The following RFX7 variants were observed in gnomAD, a reference collection of about 807,000 sequenced individuals.
RFX7 encodes the protein regulatory factor X7.
In RFX7, 26 loss-of-function variants were observed where a neutral mutation model predicts 111.8. That is an observed-to-expected ratio of 0.23 (90% confidence interval 0.17 to 0.32). The LOEUF (loss-of-function observed/expected upper bound fraction) is 0.32, where lower values mean the gene tolerates loss of function less well. Ranked by LOEUF, RFX7 falls within the 10% of genes least tolerant of loss-of-function variation. RFX7 has a pLI of 1.00. For missense variants in RFX7, 1,573 were observed against 1,772.9 expected (o/e 0.89, Z 2.02); for synonymous variants, 624 against 624.4 (o/e 1.00, Z 0.01).
At chr15:56,146,989 C>A (rs1403668397) in intron 3 of RFX7, among the ~76,000 whole-genome samples, 1 of 152,188 alleles carries the variant, frequency 6.6e-6, no homozygotes, top group Non-Finnish European at 1.5e-5. Flanking sequence ...ACAATGCTCA[C>A]TGGTTTAGGA....
intron 2 of RFX7, among the ~76,000 whole-genome samples, chr15:56,227,134 G>A (rs2043494053): frequency 6.6e-6 from 1 of 152,150 alleles, no homozygotes; most frequent in African/African-American, 2.4e-5. Flanking sequence ...CTTCACCTCT[G>A]TAATTTAAGC....
intron 5 of RFX7, among the ~76,000 whole-genome samples, chr15:56,111,661 C>CAAAAAAAAAAAAAAAAAAACAAA (rs2041934695): frequency 9.4e-5 from 9 of 95,572 alleles, no homozygotes; most frequent in East Asian, 3.3e-4. Flanking sequence ...ATAAATAAAC[C>CAAAAAAAAAAAAAAAAAAACAAA]AAAAAAAAAA....
Position 56,096,021 on chromosome 15 carries a change from CA to C in RFX7, c.1706del (p.Leu569TrpfsTer22). The C allele has an allele frequency of 6.2e-7, 1 of 1,612,894 alleles. No individual in the cohort carries two copies. The highest frequency in any genetic ancestry group is 1.1e-5 in the South Asian group (1 of 90,904). On this transcript the variant is annotated frameshift_variant, in exon 10 of 10. Coordinates refer to ENST00000559447, the MANE Select transcript of RFX7 (RefSeq NM_022841.7). LOFTEE classifies it high-confidence loss of function. ...AKAPQTPSAL[L>X]GQKSNTDGAL... ...CTCCGTCTGTATTACTTTTCTGCCC[CA>C]AAAGGGCACTAGGTGTCTGGGGAGC...
chr15:56,176,121 G>A (rs2042900216), intron 3 of RFX7, among the ~76,000 whole-genome samples: 1 of 152,122 alleles, frequency 6.6e-6, no homozygotes, highest in African/African-American at 2.4e-5. Flanking sequence ...AATCTTAATA[G>A]AGAAACTAGA....
Position 56,219,564 on chromosome 15 carries a change from G to A in RFX7, c.161+23561C>T, listed in dbSNP as rs192225468. 1.4e-3 allele frequency among the ~76,000 whole-genome samples: 214 copies of A among 152,112 alleles called. 1 individual carries two copies. Among genetic ancestry groups the A allele is most frequent in the Non-Finnish European group, 2.4e-3 (164 of 68,004 alleles). On this transcript the variant is annotated intron_variant, in intron 2 of 9. Transcript: ENST00000559447. ...TAGTGTCTGTTGTTCTCTTCTTTGCGTCCATGTGTTCTCAATGTTTAGCTC... is the reference window on the plus strand; with the variant it reads ...TAGTGTCTGTTGTTCTCTTCTTTGCATCCATGTGTTCTCAATGTTTAGCTC...
chr15:56,093,240 A>G lies in RFX7; in HGVS notation c.*105T>C. 9.4e-7 allele frequency: 1 copy of G among 1,063,148 alleles called. No individual in the cohort carries two copies. The allele number at this position is 1,063,148 out of a possible 1,614,324, so 65.9% of individuals were successfully genotyped here. ...ACCACTTCTGCAGCAAACGCTTTTA[A>G]AATGTCACAATTAATAGTATTTCTG... is the stretch of plus-strand genomic sequence containing the variant. On this transcript the variant is annotated 3_prime_UTR_variant, in exon 10 of 10. Transcript: ENST00000559447.
intron 5 of RFX7, among the ~76,000 whole-genome samples, chr15:56,123,107 TCTG>T (rs2042099285): frequency 6.6e-6 from 1 of 152,028 alleles, no homozygotes; most frequent in Non-Finnish European, 1.5e-5. Flanking sequence ...TATTCTTCCC[TCTG>T]CTTTTTCCAA....
intron 5 of RFX7, among the ~76,000 whole-genome samples, chr15:56,121,597 C>G (rs1452496575): frequency 2.0e-5 from 3 of 152,170 alleles, no homozygotes; most frequent in Non-Finnish European, 4.4e-5. Context: ...CTGTTATTCT[C>G]TCTTTGAATA....
chr15:56,166,786 G>T (rs1490070592), intron 3 of RFX7, among the ~76,000 whole-genome samples: 1 of 152,054 alleles, frequency 6.6e-6, no homozygotes, highest in South Asian at 2.1e-4. Flanking sequence ...ATGGGGTCTT[G>T]CTCTGTCACC....
At chr15:56,177,889 C>T (rs1229699044) in intron 3 of RFX7, among the ~76,000 whole-genome samples, 1 of 152,024 alleles carries the variant, frequency 6.6e-6, no homozygotes, top group Non-Finnish European at 1.5e-5. Context: ...ATGTATTACT[C>T]CCTCCACTCC....
At chr15:56,117,799 C>T (rs1461810060) in intron 5 of RFX7, among the ~76,000 whole-genome samples, 3 of 152,080 alleles carry the variant, frequency 2.0e-5, no homozygotes, top group African/African-American at 7.2e-5. Flanking sequence ...CTGCAAGTGA[C>T]AGGATCTTAT....
chr15:56,158,560 C>T (rs1395734761), intron 3 of RFX7, among the ~76,000 whole-genome samples: 2 of 152,074 alleles, frequency 1.3e-5, no homozygotes. Context: ...GGCAGTGGTA[C>T]AATCACAAAT....
intron 8 of RFX7, among the ~76,000 whole-genome samples, chr15:56,098,820 T>C (rs1280003475): frequency 1.3e-5 from 2 of 152,234 alleles, no homozygotes; most frequent in Non-Finnish European, 2.9e-5. Context: ...CATTCAATAA[T>C]TCAATAAATA....
chr15:56,210,971 C>A (rs1053045735), intron 2 of RFX7, among the ~76,000 whole-genome samples: 28 of 151,992 alleles, frequency 1.8e-4, no homozygotes, highest in Non-Finnish European at 7.4e-5. Context: ...GATCCCCTGG[C>A]ATTAAAAAGA....
intron 2 of RFX7, among the ~76,000 whole-genome samples, chr15:56,235,779 T>A (rs1489795433): frequency 6.6e-6 from 1 of 152,212 alleles, no homozygotes; most frequent in Non-Finnish European, 1.5e-5. Flanking sequence ...CCAATCAATT[T>A]GCTAATCCCG....
chr15:56,189,248 G>A (rs547502063), intron 2 of RFX7, among the ~76,000 whole-genome samples: 35 of 152,192 alleles, frequency 2.3e-4, no homozygotes, highest in African/African-American at 7.5e-4. Context: ...AAAGCCAGGC[G>A]TGGTGGTGCA....
intron 3 of RFX7, among the ~76,000 whole-genome samples, chr15:56,162,674 C>T (rs1196037007): frequency 1.3e-5 from 2 of 151,570 alleles, no homozygotes; most frequent in Non-Finnish European, 2.9e-5. Flanking sequence ...ATGTTTTTCT[C>T]ACATACTAAA....
intron 3 of RFX7, among the ~76,000 whole-genome samples, chr15:56,169,795 C>G (rs999851408): frequency 1.3e-5 from 2 of 149,968 alleles, no homozygotes; most frequent in East Asian, 3.9e-4. Context: ...AGTTTTAGTT[C>G]CCCACGAGCA....
intron 5 of RFX7, among the ~76,000 whole-genome samples, chr15:56,133,079 A>T (rs2042240382): frequency 6.6e-6 from 1 of 152,160 alleles, no homozygotes; most frequent in South Asian, 2.1e-4. Flanking sequence ...TTCTTTATAC[A>T]TTTATAACTA....
Sources: allele counts gnomAD v4.1 joint callset (sites outside exome capture counted in the v4.1 genomes callset), GRCh38; gene constraint gnomAD v4.1.1; transcripts MANE v1.5; gene names NCBI Gene and HGNC (gene_info 2026-07-23, HGNC 2026-07-21).